The following ANO4 variants were observed in gnomAD, a reference collection of about 807,000 sequenced individuals.
ANO4 encodes the protein anoctamin 4, also known as anoctamin-4.
ANO4 carries 69 observed loss-of-function variants against 141.9 expected under a neutral mutation model. That is an observed-to-expected ratio of 0.49 (90% CI 0.40 to 0.59). The LOEUF (loss-of-function observed/expected upper bound fraction) is 0.59. Ranked by LOEUF, ANO4 falls within the 20% of genes least tolerant of loss-of-function variation. The probability of loss-of-function intolerance (pLI) is 0.00; values close to 1 mark genes in which losing one functional copy is unlikely to be tolerated. For synonymous variants in ANO4, 350 were observed against 394.3 expected, an observed-to-expected ratio of 0.89 and a Z score of 1.33; for missense variants, 894 against 1,162.2, an observed-to-expected ratio of 0.77 and a Z score of 3.36.
At chr12:101,020,200 C>T in intron 9 of ANO4, 60 bp downstream of exon 9, 1 of 1,207,978 alleles carries the variant, frequency 8.3e-7, no homozygotes, top group Non-Finnish European at 1.2e-6. Context: ...AGACTTCTTC[C>T]CTTGGTTTTA....
At chr12:101,043,935 A>G (rs1252838500) in intron 13 of ANO4, among the ~76,000 whole-genome samples, 1 of 152,194 alleles carries the variant, frequency 6.6e-6, no homozygotes, top group Non-Finnish European at 1.5e-5. Flanking sequence ...CCATTTCTCT[A>G]TCTGGGAATA....
Position 100,975,738 on chromosome 12 carries a change from C to T in ANO4, c.602+849C>T, listed in dbSNP as rs148389819. 2.0e-5 allele frequency among the ~76,000 whole-genome samples: 3 copies of T among 152,064 alleles called. No homozygotes were observed. In the East Asian group the frequency reaches 5.8e-4, roughly 29 times the overall value. On this transcript the variant is annotated intron_variant, in intron 7 of 27. Coordinates refer to ENST00000392977, the MANE Select transcript of ANO4 (RefSeq NM_001286615.2). ...TTACAGGGTGAGCCACCACGCCTGG[C>T]CAATGTTATTTTTTTCTACAAAAAT... is the stretch of plus-strand genomic sequence containing the variant.
intron 2 of ANO4, among the ~76,000 whole-genome samples, chr12:100,903,752 A>G (rs1009148286): frequency 2.6e-5 from 4 of 152,214 alleles, no homozygotes; most frequent in Non-Finnish European, 4.4e-5. Context: ...AGGCTTTTCA[A>G]CTGACCTAGA....
chr12:101,121,155 G>A (rs1566278094), intron 26 of ANO4, among the ~76,000 whole-genome samples: 1 of 152,112 alleles, frequency 6.6e-6, no homozygotes, highest in Non-Finnish European at 1.5e-5. Context: ...GGTTTGGGGT[G>A]CGACTGAACC....
At chr12:100,809,989 C>A (rs1430766668) in intron 1 of ANO4, among the ~76,000 whole-genome samples, 1 of 152,128 alleles carries the variant, frequency 6.6e-6, no homozygotes, top group Non-Finnish European at 1.5e-5. Flanking sequence ...GTGCTGGATG[C>A]TAGGCATGCA....
rs1413060827 is a variant in ANO4 at position 100,805,323 on chromosome 12, A to G, written c.-141+10296A>G. 3.3e-5 allele frequency among the ~76,000 whole-genome samples: 5 copies of G among 152,082 alleles called. No homozygotes were observed. In the East Asian group the frequency reaches 9.6e-4, roughly 29 times the overall value. On this transcript the variant is annotated intron_variant, in intron 1 of 27. Coordinates refer to ENST00000392977, the MANE Select transcript of ANO4 (RefSeq NM_001286615.2). ...CATTGGTCTGTGTGTCTGTTTTTGT[A>G]CCAGTACCATGCTGTTTTGGTTACT...
At chr12:100,993,645 C>A (rs958928015) in intron 8 of ANO4, among the ~76,000 whole-genome samples, 1 of 152,038 alleles carries the variant, frequency 6.6e-6, no homozygotes, top group Admixed American at 6.6e-5. Context: ...CTACTGTTAT[C>A]TTGTTATTCT....
intron 8 of ANO4, among the ~76,000 whole-genome samples, chr12:100,988,264 T>C (rs1034023921): frequency 5.7e-4 from 86 of 152,206 alleles, no homozygotes; most frequent in African/African-American, 2.0e-3. Context: ...ACTGAGCCTG[T>C]GAGGAACTGC....
intron 5 of ANO4, among the ~76,000 whole-genome samples, chr12:100,945,299 G>A (rs542027225): frequency 6.6e-6 from 1 of 152,282 alleles, no homozygotes; most frequent in African/African-American, 2.4e-5. Flanking sequence ...ATAAAAGTGA[G>A]GACATAGTCA....
chr12:101,090,361 A>G (rs896417114), intron 17 of ANO4, among the ~76,000 whole-genome samples: 4 of 152,224 alleles, frequency 2.6e-5, no homozygotes, highest in Admixed American at 1.3e-4. Flanking sequence ...ATCTCCATCA[A>G]TGGTAGACTG....
Position 100,732,585 on chromosome 12 carries a change from T to G in ANO4, c.23-1189T>G, listed in dbSNP as rs76323167. ...AGTTTTTAATCCAGTGTATCCATTA[T>G]TTTTTTCATGGATCTTGTCTTTGGC... On this transcript the variant is annotated intron_variant, in intron 1 of 29. Coordinates refer to the ANO4 transcript ENST00000644049. 5.0e-3 allele frequency among the ~76,000 whole-genome samples: 762 copies of G among 152,326 alleles called. 24 individuals are homozygous for G. In the East Asian group the frequency reaches 0.069, roughly 14 times the overall value.
Position 100,797,277 on chromosome 12 carries a change from CT to C in ANO4, c.-141+2264del, listed in dbSNP as rs5800423. Among the ~76,000 whole-genome samples the C allele has an allele frequency of 2.7e-3, 371 of 136,704 alleles. 1 individual carries two copies. The highest frequency in any genetic ancestry group is 5.7e-3 in the African/African-American group (215 of 37,432). The allele number at this position is 136,704 out of a possible 152,430, so 89.7% of individuals were successfully genotyped here. A position where few individuals can be genotyped will look rare whatever the true frequency, so the allele number is the denominator to read the frequency against. Reference sequence around the variant, plus strand: ...ATTCCTCAGATATTGCTTTAACTGGCTTTTTTTTTTTTTTGGTAAGGATTTC... The same window carrying C: ...ATTCCTCAGATATTGCTTTAACTGGCTTTTTTTTTTTTTGGTAAGGATTTC... On this transcript the variant is annotated intron_variant, in intron 1 of 27. Coordinates refer to ENST00000392977, the MANE Select transcript of ANO4 (RefSeq NM_001286615.2).
intron 3 of ANO4, among the ~76,000 whole-genome samples, chr12:100,759,212 C>T (rs2032747792): frequency 6.6e-6 from 1 of 152,162 alleles, no homozygotes; most frequent in Admixed American, 6.5e-5. Context: ...TACATGCTTT[C>T]TGCTGCATCA....
chr12:100,798,230 T>C (rs143502845), intron 1 of ANO4, among the ~76,000 whole-genome samples: 1 of 152,318 alleles, frequency 6.6e-6, no homozygotes, highest in East Asian at 1.9e-4. Context: ...GAATGAACCA[T>C]ATCATTAGAA....
chr12:100,819,607 T>C (rs2035924528), intron 1 of ANO4, among the ~76,000 whole-genome samples: 1 of 152,020 alleles, frequency 6.6e-6, no homozygotes, highest in African/African-American at 2.4e-5. Flanking sequence ...TTTAAAATTC[T>C]TGGTGGTAAT....
At chr12:100,978,709 AG>A (rs1262903576) in intron 7 of ANO4, among the ~76,000 whole-genome samples, 3 of 152,272 alleles carry the variant, frequency 2.0e-5, no homozygotes, top group African/African-American at 7.2e-5. Context: ...AAAAGGGCTT[AG>A]CACTTAGCAG....
At chr12:100,723,435 G>A (rs2030956954) in intron 1 of ANO4, among the ~76,000 whole-genome samples, 1 of 152,090 alleles carries the variant, frequency 6.6e-6, no homozygotes, top group South Asian at 2.1e-4. Flanking sequence ...CTTGGTGTGT[G>A]CTCAGGGACA....
At chr12:101,082,511 T>C (rs1044221666) in intron 15 of ANO4, among the ~76,000 whole-genome samples, 1 of 152,206 alleles carries the variant, frequency 6.6e-6, no homozygotes, top group African/African-American at 2.4e-5. Context: ...ATTGAAAGTT[T>C]CCCAAAGAAG....
intron 17 of ANO4, among the ~76,000 whole-genome samples, chr12:101,090,492 G>A (rs988172284): frequency 7.9e-5 from 12 of 152,148 alleles, no homozygotes; most frequent in East Asian, 1.9e-4. Flanking sequence ...GCAAACTATC[G>A]CAAGGACAGA....
Sources: allele counts gnomAD v4.1 joint callset (sites outside exome capture counted in the v4.1 genomes callset), GRCh38; gene constraint gnomAD v4.1.1; transcripts MANE v1.5; gene names NCBI Gene and HGNC (gene_info 2026-07-23, HGNC 2026-07-21).